SUPT3H: variants seen among roughly 807,000 people sequenced by gnomAD.
SUPT3H encodes SPT3 homolog, SAGA and STAGA complex component.
Under a neutral mutation model 44.3 loss-of-function variants are expected in SUPT3H, and 44 were observed. That is an observed-to-expected ratio of 0.99 (90% CI 0.78 to 1.28). The LOEUF is 1.28. Ranked by LOEUF, SUPT3H falls within the 50% of genes most tolerant of loss-of-function variation. The pLI, the probability that SUPT3H is intolerant of heterozygous loss-of-function variation, is 0.00. For missense variants in SUPT3H, 380 were observed against 387.1 expected, an observed-to-expected ratio of 0.98 and a Z score of 0.15; for synonymous variants, 124 against 125.6, an observed-to-expected ratio of 0.99 and a Z score of 0.09.
At chr6:45,044,310 T>G (rs899151700) in intron 3 of SUPT3H, among the ~76,000 whole-genome samples, 1 of 152,158 alleles carries the variant, frequency 6.6e-6, no homozygotes, top group Non-Finnish European at 1.5e-5. Flanking sequence ...GAATAATCTT[T>G]CCAATTTTGT....
At chr6:45,293,901 C>T (rs1442510968) in intron 2 of SUPT3H, among the ~76,000 whole-genome samples, 18 of 144,748 alleles carry the variant, frequency 1.2e-4, no homozygotes, top group Admixed American at 1.2e-3. Context: ...CAGAATTCTA[C>T]CAGACACTGA....
chr6:44,904,999 C>T (rs1342539199), intron 10 of SUPT3H, among the ~76,000 whole-genome samples: 2 of 152,150 alleles, frequency 1.3e-5, no homozygotes, highest in South Asian at 2.1e-4. Context: ...CCCTTCCTTA[C>T]ACCTTATACA....
chr6:44,928,994 C>G (rs116118092), intron 10 of SUPT3H, among the ~76,000 whole-genome samples: 1 of 151,356 alleles, frequency 6.6e-6, no homozygotes, highest in Non-Finnish European at 1.5e-5. Flanking sequence ...TGGTGTGTGT[C>G]TCCACAGCAC....
chr6:45,020,771 A>G (rs1562277850), intron 3 of SUPT3H, 139 bp from the exon 4 acceptor site: 3 of 523,260 alleles, frequency 5.7e-6, no homozygotes, highest in Middle Eastern at 5.2e-4. Context: ...TACTGCTTTT[A>G]AGAGTAAAAT....
At chr6:45,228,299 G>A (rs898123923) in intron 2 of SUPT3H, among the ~76,000 whole-genome samples, 3 of 152,204 alleles carry the variant, frequency 2.0e-5, no homozygotes, top group African/African-American at 7.2e-5. Context: ...AAGCAAAGCA[G>A]ATAGCCCTCC....
chr6:45,322,817 A>C (rs1785721091), intron 2 of SUPT3H: 1 of 1,370,484 alleles, frequency 7.3e-7, no homozygotes, highest in African/African-American at 1.4e-5. Flanking sequence ...GGCAAGATGC[A>C]CTTTCTCCAA....
intron 3 of SUPT3H, among the ~76,000 whole-genome samples, chr6:45,041,113 C>G (rs1003236624): frequency 1.3e-5 from 2 of 152,030 alleles, no homozygotes; most frequent in African/African-American, 4.8e-5. Context: ...AGGGTGCCAT[C>G]GTGATAAAAA....
chr6:45,263,045 T>C (rs1243368874), intron 2 of SUPT3H, among the ~76,000 whole-genome samples: 6 of 152,146 alleles, frequency 3.9e-5, no homozygotes. Flanking sequence ...GGTGGGAATG[T>C]AAGTTCAGCC....
At chr6:45,021,273 C>T (rs912588720) in intron 3 of SUPT3H, among the ~76,000 whole-genome samples, 1 of 151,786 alleles carries the variant, frequency 6.6e-6, no homozygotes, top group African/African-American at 2.4e-5. Context: ...TTAGATTCCC[C>T]CTGAAATGTT....
At chr6:45,040,003 G>A (rs2153529170) in intron 3 of SUPT3H, among the ~76,000 whole-genome samples, 1 of 152,286 alleles carries the variant, frequency 6.6e-6, no homozygotes, top group Admixed American at 6.5e-5. Context: ...GTCAGACTCT[G>A]TCAGGGGACT....
intron 2 of SUPT3H, among the ~76,000 whole-genome samples, chr6:45,309,844 T>C (rs1783675226): frequency 6.6e-6 from 1 of 152,060 alleles, no homozygotes; most frequent in South Asian, 2.1e-4. Flanking sequence ...TGGGATGATA[T>C]AGTCAAAGTG....
chr6:44,820,461 G>C (rs529390464), intron 11 of SUPT3H, among the ~76,000 whole-genome samples: 3 of 152,156 alleles, frequency 2.0e-5, no homozygotes, highest in Admixed American at 2.0e-4. Context: ...TGAAGATGAC[G>C]AGCCAGGACA....
chr6:45,283,705 G>A (rs1295660930), intron 2 of SUPT3H, among the ~76,000 whole-genome samples: 1 of 151,604 alleles, frequency 6.6e-6, no homozygotes, highest in Non-Finnish European at 1.5e-5. Context: ...AGGATACCCA[G>A]GAATTGAACT....
intron 2 of SUPT3H, among the ~76,000 whole-genome samples, chr6:45,275,812 G>C (rs543932653): frequency 2.0e-5 from 3 of 151,972 alleles, no homozygotes; most frequent in Admixed American, 1.3e-4. Context: ...AAAATAAAAA[G>C]GTTTTAAAAA....
chr6:45,223,252 A>C (rs1382976239), intron 2 of SUPT3H, among the ~76,000 whole-genome samples: 3 of 152,106 alleles, frequency 2.0e-5, no homozygotes, highest in Non-Finnish European at 2.9e-5. Flanking sequence ...TTAATATTCT[A>C]ATTTTAATAG....
In SUPT3H at chr6:44,849,220, C is replaced by CT. The variant is rs143665414; in HGVS notation, c.913-19364dup. On this transcript the variant is annotated intron_variant, in intron 10 of 10. Coordinates refer to ENST00000371459, the MANE Select transcript of SUPT3H (RefSeq NM_003599.4). ...TAGATATAAGCACTACAAATGAATA[C>CT]TTTTTTTTTTTTTTTTTTTTTTTTG... 5.0e-3 allele frequency among the ~76,000 whole-genome samples: 481 copies of CT among 96,424 alleles called. 7 individuals carry two copies. Among genetic ancestry groups the CT allele is most frequent in the African/African-American group, 0.015 (353 of 23,800 alleles). The allele number at this position is 96,424 out of a possible 152,430, so 63.3% of individuals were successfully genotyped here. A position where few individuals can be genotyped will look rare whatever the true frequency, so the allele number is the denominator to read the frequency against.
At chr6:44,966,335 TA>T (rs1776767614) in intron 6 of SUPT3H, among the ~76,000 whole-genome samples, 2 of 151,796 alleles carry the variant, frequency 1.3e-5, no homozygotes, top group Admixed American at 1.3e-4. Flanking sequence ...AAAATGAACA[TA>T]ATTTTTTTTA....
intron 2 of SUPT3H, among the ~76,000 whole-genome samples, chr6:45,212,982 A>G (rs1420538348): frequency 1.3e-5 from 2 of 152,234 alleles, no homozygotes; most frequent in African/African-American, 4.8e-5. Flanking sequence ...AATCAGCACA[A>G]GAAAGGAAGC....
chr6:45,202,826 A>AT (rs1211905467), intron 2 of SUPT3H, among the ~76,000 whole-genome samples: 1 of 152,126 alleles, frequency 6.6e-6, no homozygotes, highest in Non-Finnish European at 1.5e-5. Flanking sequence ...GTACTTACAC[A>AT]TTTTACACTG....
Sources: gnomAD v4.1 joint callset for allele counts (sites outside exome capture counted in the v4.1 genomes callset) on GRCh38, gnomAD v4.1.1 for gene constraint, MANE v1.5 for transcripts, NCBI Gene and HGNC (gene_info 2026-07-23, HGNC 2026-07-21) for gene names.